The following PHACTR1 variants were observed in gnomAD, a reference collection of about 807,000 sequenced individuals.
The protein encoded by PHACTR1 is phosphatase and actin regulator 1.
Under a neutral mutation model 69.2 loss-of-function variants are expected in PHACTR1, and 16 were observed. That is an observed-to-expected ratio of 0.23 (90% CI 0.16 to 0.35). The LOEUF is 0.35. PHACTR1 is among the 10% of genes least tolerant of loss of function. The pLI, the probability that PHACTR1 is intolerant of heterozygous loss-of-function variation, is 1.00. For synonymous variants in PHACTR1, 312 were observed against 284.5 expected (o/e 1.10, Z -0.97); for missense variants, 510 against 734.7 (o/e 0.69, Z 3.54).
chr6:13,114,518 C>T (rs1817528350), intron 5 of PHACTR1, among the ~76,000 whole-genome samples: 2 of 152,280 alleles, frequency 1.3e-5, no homozygotes, highest in South Asian at 2.1e-4. Context: ...CAAATATACA[C>T]ATATACCATG....
intron 4 of PHACTR1, among the ~76,000 whole-genome samples, chr6:12,995,626 TTATG>T (rs1797336144): frequency 6.6e-6 from 1 of 152,060 alleles, no homozygotes; most frequent in Non-Finnish European, 1.5e-5. Context: ...AGATAAATAA[TTATG>T]TATTAATACT....
chr6:12,760,162 A>T (rs1453526240), intron 4 of PHACTR1, among the ~76,000 whole-genome samples: 3 of 152,230 alleles, frequency 2.0e-5, no homozygotes, highest in African/African-American at 7.2e-5. Flanking sequence ...CCAAAAATTT[A>T]AAAAATGATT....
intron 5 of PHACTR1, among the ~76,000 whole-genome samples, chr6:13,135,071 T>C (rs1309898038): frequency 1.3e-5 from 2 of 152,222 alleles, no homozygotes; most frequent in African/African-American, 4.8e-5. Flanking sequence ...ACTGAGGCTC[T>C]CCTGTGCCCA....
At chr6:12,821,462 CAAAA>C (rs71552718) in intron 4 of PHACTR1, among the ~76,000 whole-genome samples, 15 of 80,942 alleles carry the variant, frequency 1.9e-4, no homozygotes, top group East Asian at 8.5e-4. Context: ...GATTTCACAT[CAAAA>C]AAAAAAAAAA....
At chr6:13,010,794 G>A (rs187954668) in intron 4 of PHACTR1, among the ~76,000 whole-genome samples, 167 of 151,702 alleles carry the variant, frequency 1.1e-3, no homozygotes, top group Non-Finnish European at 1.2e-3. Flanking sequence ...ACAGGAGCTC[G>A]TCCTCATTTA....
chr6:12,821,766 T>C (rs2127713010), intron 4 of PHACTR1, among the ~76,000 whole-genome samples: 1 of 152,312 alleles, frequency 6.6e-6, no homozygotes, highest in South Asian at 2.1e-4. Flanking sequence ...TTTGTCAACT[T>C]CTAAAACATC....
intron 5 of PHACTR1, among the ~76,000 whole-genome samples, chr6:13,110,387 A>G (rs976949505): frequency 5.3e-5 from 8 of 152,188 alleles, no homozygotes; most frequent in African/African-American, 1.9e-4. Context: ...TCTGTGCACA[A>G]TGCTGCAGGT....
intron 5 of PHACTR1, among the ~76,000 whole-genome samples, chr6:13,078,980 TC>T (rs1421288661): frequency 2.6e-5 from 4 of 152,240 alleles, no homozygotes; most frequent in African/African-American, 9.6e-5. Flanking sequence ...TAGTTTACAG[TC>T]TTTAACCCAA....
At chr6:13,146,158 G>A (rs757135961) in intron 5 of PHACTR1, among the ~76,000 whole-genome samples, 10 of 152,172 alleles carry the variant, frequency 6.6e-5, no homozygotes, top group Non-Finnish European at 1.5e-4. Context: ...GTGGATAATA[G>A]TGCCAACCTC....
chr6:13,134,000 A>AGTGTACCCAGCAG, intron 5 of PHACTR1, among the ~76,000 whole-genome samples: 1 of 151,322 alleles, frequency 6.6e-6, no homozygotes, highest in East Asian at 2.0e-4. Flanking sequence ...CCGTCTGGGA[A>AGTGTACCCAGCAG]CTGAAGAGTG....
intron 4 of PHACTR1, among the ~76,000 whole-genome samples, chr6:13,019,067 TATATA>T (rs1248661483): frequency 1.5e-4 from 15 of 99,156 alleles, no homozygotes; most frequent in Admixed American, 3.2e-4. Flanking sequence ...TATATATATA[TATATA>T]TATTTTTTCT....
At chr6:12,824,344 T>A (rs1776551134) in intron 4 of PHACTR1, among the ~76,000 whole-genome samples, 1 of 152,192 alleles carries the variant, frequency 6.6e-6, no homozygotes, top group Admixed American at 6.5e-5. Context: ...TATATTACAA[T>A]ATAACAATAT....
chr6:13,240,126 A>G (rs1006152637), intron 10 of PHACTR1, among the ~76,000 whole-genome samples: 45 of 151,984 alleles, frequency 3.0e-4, no homozygotes, highest in African/African-American at 1.1e-3. Context: ...TTTTTAAACA[A>G]CTGATTATTC....
intron 10 of PHACTR1, 33 bp downstream of exon 10, chr6:13,230,226 G>A: frequency 6.3e-7 from 1 of 1,589,686 alleles, no homozygotes; most frequent in Non-Finnish European, 8.6e-7. Context: ...CTCCCTGGCA[G>A]TGGGCCTTTA....
intron 4 of PHACTR1, among the ~76,000 whole-genome samples, chr6:12,788,517 A>G (rs751355195): frequency 1.3e-5 from 2 of 152,246 alleles, no homozygotes; most frequent in African/African-American, 2.4e-5. Flanking sequence ...ATTTTATTTC[A>G]CCTTGATTCA....
intron 4 of PHACTR1, among the ~76,000 whole-genome samples, chr6:12,984,619 G>C (rs1347550709): frequency 6.6e-6 from 1 of 152,112 alleles, no homozygotes; most frequent in Admixed American, 6.5e-5. Context: ...TTTAATATAT[G>C]GTCACCACTT....
intron 4 of PHACTR1, among the ~76,000 whole-genome samples, chr6:12,825,014 C>T (rs1026048863): frequency 2.6e-5 from 4 of 152,160 alleles, no homozygotes; most frequent in African/African-American, 4.8e-5. Flanking sequence ...AGCAGTAGCT[C>T]ACACCTGTAA....
At chr6:13,284,773 A>T (rs1400141286) in intron 13 of PHACTR1, among the ~76,000 whole-genome samples, 5 of 152,088 alleles carry the variant, frequency 3.3e-5, no homozygotes, top group South Asian at 4.1e-4. Flanking sequence ...CCAACCCTGG[A>T]TCCAGGAGGT....
chr6:12,794,842 T>TG (rs1041509380), intron 4 of PHACTR1, among the ~76,000 whole-genome samples: 1 of 151,172 alleles, frequency 6.6e-6, no homozygotes, highest in African/African-American at 2.4e-5. Flanking sequence ...TTAGAGAGAG[T>TG]GGGGAACGTA....
Sources: allele counts gnomAD v4.1 joint callset (sites outside exome capture counted in the v4.1 genomes callset), GRCh38; gene constraint gnomAD v4.1.1; transcripts MANE v1.5; gene names NCBI Gene and HGNC (gene_info 2026-07-23, HGNC 2026-07-21).